The following UNC5D variants were observed in gnomAD, a reference collection of about 807,000 sequenced individuals.
The protein encoded by UNC5D is unc-5 netrin receptor D.
In UNC5D, 39 loss-of-function variants were observed where a neutral mutation model predicts 105.4. The ratio of observed to expected loss-of-function variants is 0.37; its 90% confidence interval spans 0.29 to 0.48. The LOEUF is 0.48. Ranked by LOEUF, UNC5D falls within the 20% of genes least tolerant of loss-of-function variation. The pLI is 0.98. For missense variants in UNC5D, 991 were observed against 1,202.4 expected (o/e 0.82, Z 2.60); for synonymous variants, 452 against 450.4 (o/e 1.00, Z -0.04).
chr8:35,407,001 A>G (rs1297720033), intron 1 of UNC5D, among the ~76,000 whole-genome samples: 3 of 152,124 alleles, frequency 2.0e-5, no homozygotes, highest in Non-Finnish European at 2.9e-5. Flanking sequence ...GCATAACGAC[A>G]TTTTAGTTAA....
At chr8:35,457,232 A>G (rs936698874) in intron 1 of UNC5D, among the ~76,000 whole-genome samples, 2 of 152,170 alleles carry the variant, frequency 1.3e-5, no homozygotes, top group African/African-American at 2.4e-5. Context: ...AATTTAATTG[A>G]CATTTCCTGA....
At chr8:35,654,812 T>C (rs1011981690) in intron 4 of UNC5D, among the ~76,000 whole-genome samples, 3 of 152,194 alleles carry the variant, frequency 2.0e-5, no homozygotes, top group Non-Finnish European at 4.4e-5. Context: ...TCAGTTAATA[T>C]ACTAGGTCAG....
intron 4 of UNC5D, among the ~76,000 whole-genome samples, chr8:35,624,224 G>T (rs538673188): frequency 6.6e-6 from 1 of 152,272 alleles, no homozygotes; most frequent in South Asian, 2.1e-4. Context: ...AACACTAATG[G>T]ATTACAGATG....
intron 4 of UNC5D, among the ~76,000 whole-genome samples, chr8:35,662,200 A>AAC (rs1246396621): frequency 6.6e-6 from 1 of 151,884 alleles, no homozygotes. Flanking sequence ...AAAAAAAAAA[A>AAC]AAAACTGTGC....
chr8:35,248,190 A>T (rs1239168464), intron 1 of UNC5D, among the ~76,000 whole-genome samples: 1 of 63,532 alleles, frequency 1.6e-5, no homozygotes, highest in African/African-American at 6.4e-5. Flanking sequence ...ATAATATATA[A>T]ATATATATTA....
chr8:35,657,759 T>C (rs1823867148), intron 4 of UNC5D, among the ~76,000 whole-genome samples: 1 of 152,238 alleles, frequency 6.6e-6, no homozygotes, highest in African/African-American at 2.4e-5. Flanking sequence ...GTGCTGGGAC[T>C]GTAGGCATGA....
chr8:35,783,979 G>T (rs533103244), intron 16 of UNC5D, among the ~76,000 whole-genome samples: 1 of 152,058 alleles, frequency 6.6e-6, no homozygotes, highest in South Asian at 2.1e-4. Context: ...TGAAAATTAA[G>T]ATTCTATAAA....
chr8:35,267,315 A>G (rs150828829), intron 1 of UNC5D, among the ~76,000 whole-genome samples: 30 of 152,266 alleles, frequency 2.0e-4, no homozygotes, highest in African/African-American at 6.7e-4. Flanking sequence ...CTTCAACCAC[A>G]TAGGCACAAA....
At chr8:35,455,015 T>G (rs1431731532) in intron 1 of UNC5D, among the ~76,000 whole-genome samples, 1 of 152,172 alleles carries the variant, frequency 6.6e-6, no homozygotes, top group Non-Finnish European at 1.5e-5. Flanking sequence ...TAAGGCTTAC[T>G]TCTTTTACTT....
chr8:35,680,806 G>T (rs1448298002), intron 4 of UNC5D, among the ~76,000 whole-genome samples: 2 of 152,154 alleles, frequency 1.3e-5, no homozygotes, highest in Non-Finnish European at 2.9e-5. Flanking sequence ...TTATGGGTCA[G>T]TGCCAGACTT....
At chr8:35,755,599 A>G (rs1586593471) in intron 13 of UNC5D, among the ~76,000 whole-genome samples, 1 of 152,276 alleles carries the variant, frequency 6.6e-6, no homozygotes, top group African/African-American at 2.4e-5. Flanking sequence ...TTAAATCAAC[A>G]TAAAGAGCTC....
intron 4 of UNC5D, among the ~76,000 whole-genome samples, chr8:35,597,719 G>A (rs1470126066): frequency 6.6e-6 from 1 of 152,062 alleles, no homozygotes; most frequent in East Asian, 1.9e-4. Flanking sequence ...TTTTCAGATG[G>A]AAGATAACTT....
At chr8:35,554,801 C>T (rs1342139288) in intron 2 of UNC5D, among the ~76,000 whole-genome samples, 1 of 152,010 alleles carries the variant, frequency 6.6e-6, no homozygotes, top group African/African-American at 2.4e-5. Context: ...ATGTGTATTC[C>T]AATGTGTTAT....
intron 1 of UNC5D, chr8:35,255,327 G>C (rs189954252): frequency 6.6e-6 from 1 of 152,156 alleles, no homozygotes; most frequent in Non-Finnish European, 1.5e-5. Context: ...CTGAGTAGAC[G>C]CACCCATCCA....
chr8:35,509,233 A>G (rs1812530931), intron 1 of UNC5D, among the ~76,000 whole-genome samples: 1 of 151,982 alleles, frequency 6.6e-6, no homozygotes, highest in Non-Finnish European at 1.5e-5. Context: ...GAGTATCAGA[A>G]TCACAGGAAT....
intron 1 of UNC5D, among the ~76,000 whole-genome samples, chr8:35,288,169 T>G (rs1806753700): frequency 6.6e-6 from 1 of 152,028 alleles, no homozygotes; most frequent in African/African-American, 2.4e-5. Flanking sequence ...ATCAAATTAT[T>G]AAAAATTAAG....
At chr8:35,566,964 C>T (rs1023171348) in intron 2 of UNC5D, among the ~76,000 whole-genome samples, 2 of 151,770 alleles carry the variant, frequency 1.3e-5, no homozygotes, top group Non-Finnish European at 2.9e-5. Flanking sequence ...ACTGCTCATC[C>T]CAAAGAAAGA....
In UNC5D at chr8:35,595,633, A is replaced by C; in HGVS notation, c.546A>C (p.Pro182=). The C allele has an allele frequency of 6.2e-7, 1 of 1,614,022 alleles. No homozygotes were observed. The highest frequency in any genetic ancestry group is 8.5e-7 in the Non-Finnish European group (1 of 1,179,972). ...IEGMIVLHCR[P]PEGVPAAEVE... The stretch of plus-strand genomic sequence containing the variant: ...GCATGATTGTACTGCACTGCCGCCC[A>C]CCAGAGGGAGTCCCTGCTGCCGAGG... The change falls in exon 4 of 17, where the codon CCA becomes CCC. Residue 182 remains proline, a synonymous_variant. Coordinates refer to ENST00000404895, the MANE Select transcript of UNC5D (RefSeq NM_080872.4).
chr8:35,512,569 A>ATATATATATCTC lies in UNC5D; in HGVS notation c.104-36722_104-36721insATATATATCTCT, dbSNP rs539399345. Among the ~76,000 whole-genome samples the ATATATATATCTC allele has an allele frequency of 3.3e-3, 216 of 64,814 alleles. 11 individuals are homozygous for ATATATATATCTC. Among genetic ancestry groups the ATATATATATCTC allele is most frequent in the East Asian group, 4.4e-3 (10 of 2,256 alleles). The allele number at this position is 64,814 out of a possible 152,430, so 42.5% of individuals were successfully genotyped here. On this transcript the variant is annotated intron_variant, in intron 1 of 16. Transcript: ENST00000404895. ...TATATATATATATATATATATATAT[A>ATATATATATCTC]TCTGAATAGATTACTAAATGGAGAT... is the stretch of plus-strand genomic sequence containing the variant.
Sources: gnomAD v4.1 joint callset for allele counts (sites outside exome capture counted in the v4.1 genomes callset) on GRCh38, gnomAD v4.1.1 for gene constraint, MANE v1.5 for transcripts, NCBI Gene and HGNC (gene_info 2026-07-23, HGNC 2026-07-21) for gene names.